THSD4: variants seen among roughly 807,000 people sequenced by gnomAD.
The protein encoded by THSD4 is thrombospondin type-1 domain-containing protein 4.
Under a neutral mutation model 119.0 loss-of-function variants are expected in THSD4, and 69 were observed. The observed-to-expected ratio is 0.58, with a 90% CI of 0.48 to 0.71. The LOEUF (loss-of-function observed/expected upper bound fraction) is 0.71. Among genes scored for constraint, THSD4 ranks in the 30% least tolerant of loss-of-function variants. The pLI is 0.00. For synonymous variants in THSD4, 524 were observed against 540.4 expected (o/e 0.97, Z 0.42); for missense variants, 1,393 against 1,391.1 (o/e 1.00, Z -0.02).
At chr15:71,371,526 C>T (rs543317969) in intron 6 of THSD4, among the ~76,000 whole-genome samples, 1 of 152,200 alleles carries the variant, frequency 6.6e-6, no homozygotes, top group Admixed American at 6.5e-5. Context: ...TTTATTTCTC[C>T]TTGGCTTATG....
chr15:71,306,333 A>G (rs866923316), intron 6 of THSD4, among the ~76,000 whole-genome samples: 1 of 131,548 alleles, frequency 7.6e-6, no homozygotes, highest in Non-Finnish European at 1.7e-5. Context: ...AAAAAAAAAA[A>G]AAAAAGGGAA....
At chr15:71,512,180 G>A (rs940352715) in intron 7 of THSD4, among the ~76,000 whole-genome samples, 1 of 152,182 alleles carries the variant, frequency 6.6e-6, no homozygotes. Context: ...TGGAGGTTCC[G>A]ATGATGTCTG....
intron 6 of THSD4, among the ~76,000 whole-genome samples, chr15:71,285,622 A>G (rs7162008): frequency 0.25 from 38,058 of 152,008 alleles, 4,864 homozygotes; most frequent in Middle Eastern, 0.37. Flanking sequence ...TTGGGAGGCC[A>G]AGGTGGGTGG....
rs528414422 is a variant in THSD4, at chr15:71,746,762, C to T, written c.2037-76C>T. On this transcript the variant is annotated intron_variant, in intron 12 of 17. Coordinates refer to ENST00000261862, the MANE Select transcript of THSD4 (RefSeq NM_024817.3). Reference sequence around the variant, plus strand: ...ATAGTGATTCTGATGATTCTGTGTACGCTGCTGCGGGCTCACGCTGACTTC... The same window carrying T: ...ATAGTGATTCTGATGATTCTGTGTATGCTGCTGCGGGCTCACGCTGACTTC... 3.0e-5 allele frequency: 43 copies of T among 1,449,426 alleles called. 1 individual carries two copies. Among genetic ancestry groups the T allele is most frequent in the African/African-American group, 7.0e-5 (5 of 71,908 alleles). 89.8% of individuals were successfully genotyped at this position (1,449,426 alleles called of 1,614,324 possible).
Position 71,780,610 on chromosome 15 carries a change from G to A in THSD4, c.*3236G>A. On this transcript the variant is annotated 3_prime_UTR_variant, in exon 18 of 18. Transcript: ENST00000261862. ...TCAGTTCCGTAAAGGTATGCTCAGT[G>A]CCCGCTGCCTGCAAGCTGTTGGGGA... 2.2e-6 allele frequency: 1 copy of A among 455,706 alleles called. No individual in the cohort carries two copies. The allele number at this position is 455,706 out of a possible 1,614,324, so 28.2% of individuals were successfully genotyped here.
At chr15:71,629,734 CTTTG>C (rs1405647058) in intron 7 of THSD4, among the ~76,000 whole-genome samples, 1 of 152,188 alleles carries the variant, frequency 6.6e-6, no homozygotes, top group Non-Finnish European at 1.5e-5. Context: ...GTAAGCTTCT[CTTTG>C]TTTATTTACC....
chr15:71,741,496 A>C (rs2053234059), intron 11 of THSD4, among the ~76,000 whole-genome samples: 1 of 147,452 alleles, frequency 6.8e-6, no homozygotes, highest in Non-Finnish European at 1.5e-5. Flanking sequence ...CCGTCTCAAA[A>C]CAAAACAAAA....
At chr15:71,349,915 G>A (rs1596357461) in intron 6 of THSD4, among the ~76,000 whole-genome samples, 1 of 152,052 alleles carries the variant, frequency 6.6e-6, no homozygotes, top group Non-Finnish European at 1.5e-5. Context: ...GAAAGGGAAA[G>A]ACGGGGATGG....
chr15:71,118,181 C>T (rs1474086980), intron 1 of THSD4, among the ~76,000 whole-genome samples: 7 of 152,030 alleles, frequency 4.6e-5, no homozygotes, highest in South Asian at 2.1e-4. Context: ...TGTATGGACA[C>T]GGTTGAATCC....
At chr15:71,753,277 T>A (rs922819241) in intron 14 of THSD4, among the ~76,000 whole-genome samples, 1 of 152,182 alleles carries the variant, frequency 6.6e-6, no homozygotes, top group Admixed American at 6.5e-5. Flanking sequence ...TTTTCAGTTC[T>A]ACAAATCAAT....
intron 8 of THSD4, among the ~76,000 whole-genome samples, chr15:71,727,553 A>AATATATAT (rs869196877): frequency 1.6e-5 from 2 of 122,822 alleles, no homozygotes; most frequent in African/African-American, 7.7e-5. Flanking sequence ...AAAAAAAAAA[A>AATATATAT]ATATATATAT....
chr15:71,121,345 C>G (rs957245951), intron 1 of THSD4, among the ~76,000 whole-genome samples: 2 of 151,822 alleles, frequency 1.3e-5, no homozygotes, highest in Non-Finnish European at 2.9e-5. Context: ...AAAAGTGCCA[C>G]TTGAATGTTA....
intron 8 of THSD4, among the ~76,000 whole-genome samples, chr15:71,663,722 G>T (rs2051358101): frequency 6.6e-6 from 1 of 152,064 alleles, no homozygotes; most frequent in African/African-American, 2.4e-5. Flanking sequence ...CTCTTCGACG[G>T]CTATTTTTTA....
chr15:71,521,780 A>G (rs1239179248), intron 7 of THSD4, among the ~76,000 whole-genome samples: 1 of 152,200 alleles, frequency 6.6e-6, no homozygotes, highest in African/African-American at 2.4e-5. Flanking sequence ...TGGAGAAAAA[A>G]GTTACGAGTA....
At position 71,539,621 on chromosome 15, in the gene THSD4, C is replaced by G. The variant is rs145249846; in HGVS notation, c.1153-120909C>G. Among the ~76,000 whole-genome samples the G allele has an allele frequency of 5.7e-3, 870 of 152,282 alleles. 9 individuals carry two copies. The highest frequency in any genetic ancestry group is 0.02 in the African/African-American group (843 of 41,538). ...CTCGTTTGTACCACTAACATTTTCT[C>G]TTTTTAGGTCACCCAAAAGTTAGGT... On this transcript the variant is annotated intron_variant, in intron 7 of 17. Coordinates refer to ENST00000261862, the MANE Select transcript of THSD4 (RefSeq NM_024817.3).
At chr15:71,271,799 T>C (rs1257282955) in intron 6 of THSD4, among the ~76,000 whole-genome samples, 3 of 152,128 alleles carry the variant, frequency 2.0e-5, no homozygotes, top group African/African-American at 2.4e-5. Context: ...CTCTCTTTTA[T>C]TAGACTCAAA....
intron 6 of THSD4, among the ~76,000 whole-genome samples, chr15:71,259,463 G>A (rs1012766301): frequency 1.4e-4 from 22 of 152,204 alleles, no homozygotes; most frequent in African/African-American, 4.3e-4. Context: ...AGATCTACTC[G>A]CTAGAGTAGA....
At chr15:71,224,313 G>T (rs2043997124) in intron 4 of THSD4, among the ~76,000 whole-genome samples, 1 of 152,188 alleles carries the variant, frequency 6.6e-6, no homozygotes, top group African/African-American at 2.4e-5. Context: ...GTCCTAAGGG[G>T]ACTGAACAAG....
intron 7 of THSD4, among the ~76,000 whole-genome samples, chr15:71,520,596 G>A (rs149047992): frequency 1.4e-4 from 22 of 152,288 alleles, no homozygotes; most frequent in African/African-American, 2.9e-4. Flanking sequence ...TGCAGTTCTC[G>A]TTTGGAGATA....
Sources: allele counts gnomAD v4.1 joint callset (sites outside exome capture counted in the v4.1 genomes callset), GRCh38; gene constraint gnomAD v4.1.1; transcripts MANE v1.5; gene names NCBI Gene and HGNC (gene_info 2026-07-23, HGNC 2026-07-21).